The following SOS2 variants were observed in gnomAD, a reference collection of about 807,000 sequenced individuals.
SOS2 encodes the protein SOS Ras/Rho guanine nucleotide exchange factor 2.
SOS2 carries 65 observed loss-of-function variants against 148.2 expected under a neutral mutation model. That is an observed-to-expected ratio of 0.44 (90% CI 0.36 to 0.54). The LOEUF is 0.54. Among genes scored for constraint, SOS2 ranks in the 20% least tolerant of loss-of-function variants. The pLI, the probability that SOS2 is intolerant of heterozygous loss-of-function variation, is 0.00. For synonymous variants in SOS2, 539 were observed against 537.1 expected, an observed-to-expected ratio of 1.00 and a Z score of -0.05; for missense variants, 1,341 against 1,590.2, an observed-to-expected ratio of 0.84 and a Z score of 2.67.
At chr14:50,207,989 T>C (rs999012295) in intron 1 of SOS2, among the ~76,000 whole-genome samples, 6 of 151,966 alleles carry the variant, frequency 3.9e-5, no homozygotes, top group African/African-American at 1.2e-4. Context: ...TATTCAACAT[T>C]CATTCATGAT....
rs528465291 is a variant in SOS2 at position 50,155,491 on chromosome 14, T to C, written c.2057+1508A>G. ...CTACCTATCTAAAGCCTATACATCC[T>C]TTAGGGGCAGTCTCAGATTTTACCT... On this transcript the variant is annotated intron_variant, in intron 12 of 22. Transcript: ENST00000216373. Among the ~76,000 whole-genome samples the C allele has an allele frequency of 4.7e-4, 72 of 152,298 alleles. 2 individuals carry two copies. The highest frequency in any genetic ancestry group is 1.7e-3 in the African/African-American group (71 of 41,564).
intron 7 of SOS2, among the ~76,000 whole-genome samples, chr14:50,178,698 A>C (rs1208855402): frequency 2.1e-5 from 1 of 47,336 alleles, no homozygotes; most frequent in African/African-American, 9.1e-5. Flanking sequence ...ATATATATAT[A>C]TATATATATA....
At chr14:50,231,881 G>C (rs762870124), upstream of SOS2, among the ~76,000 whole-genome samples, 1 of 152,210 alleles carries the variant, frequency 6.6e-6, no homozygotes, top group Non-Finnish European at 1.5e-5. Flanking sequence ...GCAGCGCAGA[G>C]TGCCTTGGGG....
chr14:50,194,996 G>T (rs1754538042), intron 4 of SOS2, among the ~76,000 whole-genome samples: 1 of 151,826 alleles, frequency 6.6e-6, no homozygotes, highest in Non-Finnish European at 1.5e-5. Flanking sequence ...AATGCTGAAT[G>T]ACAGAATTCA....
At chr14:50,224,308 T>C (rs60082807) in intron 1 of SOS2, among the ~76,000 whole-genome samples, 20 of 68,978 alleles carry the variant, frequency 2.9e-4, no homozygotes, top group African/African-American at 1.2e-3. Context: ...AAAAAAAATA[T>C]ATATATACAC....
chr14:50,157,821 C>T (rs988594016), intron 11 of SOS2, among the ~76,000 whole-genome samples: 1 of 151,954 alleles, frequency 6.6e-6, no homozygotes, highest in Non-Finnish European at 1.5e-5. Context: ...TTCTGGAGTC[C>T]AGATTCTACA....
chr14:50,203,995 G>A (rs1001994312), intron 2 of SOS2, among the ~76,000 whole-genome samples: 1 of 151,844 alleles, frequency 6.6e-6, no homozygotes, highest in African/African-American at 2.4e-5. Flanking sequence ...TAGCTGTTAT[G>A]TCTAAGGCCA....
chr14:50,146,915 T>A (rs1484427727), intron 14 of SOS2, among the ~76,000 whole-genome samples: 1 of 151,790 alleles, frequency 6.6e-6, no homozygotes, highest in African/African-American at 2.4e-5. Flanking sequence ...CAAAACAAGC[T>A]GAGGTGCAGT....
intron 6 of SOS2, among the ~76,000 whole-genome samples, chr14:50,181,529 GA>G (rs953255442): frequency 6.6e-6 from 1 of 150,930 alleles, no homozygotes; most frequent in Non-Finnish European, 1.5e-5. Context: ...AAAAAAAAAG[GA>G]AAAAACTCTA....
chr14:50,200,841 G>T, intron 3 of SOS2, 112 bp downstream of exon 3: 3 of 863,358 alleles, frequency 3.5e-6, no homozygotes, highest in Non-Finnish European at 3.6e-6. Flanking sequence ...ATATGGAAGT[G>T]CACATATACA....
At position 50,136,135 on chromosome 14, in the gene SOS2, G is replaced by C. The variant is rs1213932485; in HGVS notation, c.2959-1896C>G. On this transcript the variant is annotated intron_variant, in intron 18 of 22. Transcript: ENST00000216373. Reference sequence around the variant, plus strand: ...CAATACTGAAACAATGTGTTCTTATGTTCAGGTTAGCTAAATTAAATATTA... The same window carrying C: ...CAATACTGAAACAATGTGTTCTTATCTTCAGGTTAGCTAAATTAAATATTA... Among the ~76,000 whole-genome samples the C allele has an allele frequency of 2.1e-4, 32 of 152,134 alleles. 1 individual carries two copies. Among genetic ancestry groups the C allele is most frequent in the Admixed American group, 2.1e-3 (32 of 15,276 alleles).
At chr14:50,221,230 T>C (rs747352006) in intron 1 of SOS2, among the ~76,000 whole-genome samples, 40 of 152,188 alleles carry the variant, frequency 2.6e-4, no homozygotes, top group Non-Finnish European at 1.0e-4. Flanking sequence ...AAAAATAAAA[T>C]TGAAAAAATA....
chr14:50,151,327 AT>A (rs956012558), intron 13 of SOS2, among the ~76,000 whole-genome samples: 9 of 152,092 alleles, frequency 5.9e-5, no homozygotes, highest in Non-Finnish European at 1.3e-4. Flanking sequence ...TGTCCTCTAT[AT>A]TTTCTGTAAA....
intron 7 of SOS2, among the ~76,000 whole-genome samples, chr14:50,176,603 AC>A (rs1885530910): frequency 6.6e-6 from 1 of 152,262 alleles, no homozygotes; most frequent in Admixed American, 6.5e-5. Context: ...CTTTATATAT[AC>A]ATTACCATTT....
At chr14:50,131,315 T>G (rs1234076458) in intron 19 of SOS2, among the ~76,000 whole-genome samples, 2 of 152,148 alleles carry the variant, frequency 1.3e-5, no homozygotes, top group Non-Finnish European at 2.9e-5. Context: ...ATCAGAAAAC[T>G]TGAGTTAAGA....
intron 12 of SOS2, chr14:50,155,903 ATTAC>A (rs1268267563): frequency 1.3e-5 from 2 of 152,190 alleles, no homozygotes; most frequent in East Asian, 1.9e-4. Context: ...GTAGAAAAGA[ATTAC>A]TTATTTATTG....
At chr14:50,181,442 C>T (rs1266264508) in intron 6 of SOS2, among the ~76,000 whole-genome samples, 1 of 48,468 alleles carries the variant, frequency 2.1e-5, no homozygotes, top group African/African-American at 9.9e-5. Flanking sequence ...AGGGAGACTC[C>T]ATGTCAAAAA....
At chr14:50,119,874 C>T (rs1488346822) in intron 22 of SOS2, among the ~76,000 whole-genome samples, 3 of 142,760 alleles carry the variant, frequency 2.1e-5, no homozygotes, top group African/African-American at 5.3e-5. Flanking sequence ...TGCAGTGGCA[C>T]GATCCTGGCT....
At chr14:50,224,657 G>A (rs1887310206) in intron 1 of SOS2, among the ~76,000 whole-genome samples, 1 of 152,062 alleles carries the variant, frequency 6.6e-6, no homozygotes. Context: ...GGCCAAGGCT[G>A]GAGGATCACT....
Sources: allele counts gnomAD v4.1 joint callset (sites outside exome capture counted in the v4.1 genomes callset), GRCh38; gene constraint gnomAD v4.1.1; transcripts MANE v1.5; gene names NCBI Gene and HGNC (gene_info 2026-07-23, HGNC 2026-07-21).